HMHB1: variants seen among roughly 807,000 people sequenced by gnomAD.
HMHB1 encodes the protein minor histocompatibility protein HB-1.
HMHB1 carries 4 observed loss-of-function variants against 2.4 expected under a neutral mutation model. That is an observed-to-expected ratio of 1.65 (90% CI 0.81 to 3.77). The LOEUF is 3.77. HMHB1 is among the 30% of genes most tolerant of loss of function. The probability of loss-of-function intolerance (pLI) is 0.01; values close to 1 mark genes in which losing one functional copy is unlikely to be tolerated. For synonymous variants in HMHB1, 22 were observed against 17.6 expected (o/e 1.25, Z -0.63); for missense variants, 57 against 44.2 (o/e 1.29, Z -0.82).
At position 143,812,190 on chromosome 5, in the gene HMHB1, C is replaced by G. The variant is rs924840161; in HGVS notation, c.-78C>G. The G allele has an allele frequency of 7.1e-7, 1 of 1,405,020 alleles. No homozygotes were observed. Among genetic ancestry groups the G allele is most frequent in the African/African-American group, 1.4e-5 (1 of 69,538 alleles). 87.0% of individuals were successfully genotyped at this position (1,405,020 alleles called of 1,614,324 possible). On this transcript the variant is annotated 5_prime_UTR_variant, in exon 1 of 2. Coordinates refer to ENST00000289448, the MANE Select transcript of HMHB1 (RefSeq NM_021182.3). The stretch of plus-strand genomic sequence containing the variant: ...ATCCCAGGAGGCCGAGGCGGCTTGC[C>G]CCGCATCTCAGAAGCCGGGCAGGCC...
intron 1 of HMHB1, among the ~76,000 whole-genome samples, chr5:143,816,098 T>C (rs1289584501): frequency 1.3e-5 from 2 of 152,330 alleles, no homozygotes; most frequent in East Asian, 3.9e-4. Flanking sequence ...TGATTAGCAA[T>C]CTAAATTCCA....
At chr5:143,818,158 A>G (rs1303949903) in intron 1 of HMHB1, among the ~76,000 whole-genome samples, 2 of 152,214 alleles carry the variant, frequency 1.3e-5, no homozygotes, top group Admixed American at 6.5e-5. Context: ...AAAATTATTG[A>G]ACTTCTATAT....
At chr5:143,818,286 A>G (rs1759770910) in intron 1 of HMHB1, among the ~76,000 whole-genome samples, 1 of 152,218 alleles carries the variant, frequency 6.6e-6, no homozygotes, top group Non-Finnish European at 1.5e-5. Flanking sequence ...AACTTATAGA[A>G]TTCTTTAGGG....
In HMHB1 at chr5:143,820,559, T is replaced by G; in HGVS notation, c.117T>G (p.Tyr39Ter). The G allele has an allele frequency of 6.2e-7, 1 of 1,610,694 alleles. No individual in the cohort carries two copies. The highest frequency in any genetic ancestry group is 1.1e-5 in the South Asian group (1 of 90,992). Residue 39 changes from tyrosine (Y) to a stop codon, truncating the protein, a stop_gained, in exon 2 of 2, where the codon TAT becomes TAG. Coordinates refer to ENST00000289448, the MANE Select transcript of HMHB1 (RefSeq NM_021182.3). LOFTEE classifies it high-confidence loss of function. The stretch of plus-strand genomic sequence containing the variant: ...TGAGGCACAGCTCTTCCCTGACTTA[T>G]AGGCTTTGACACTGCTGTTGAGGTT...
intron 1 of HMHB1, among the ~76,000 whole-genome samples, chr5:143,816,087 C>T (rs943346321): frequency 4.6e-5 from 7 of 152,174 alleles, no homozygotes; most frequent in Non-Finnish European, 1.0e-4. Context: ...TTAAGGTCAC[C>T]TGATTAGCAA....
intron 1 of HMHB1, among the ~76,000 whole-genome samples, chr5:143,815,603 C>T (rs1383472670): frequency 6.6e-6 from 1 of 151,624 alleles, no homozygotes; most frequent in Non-Finnish European, 1.5e-5. Flanking sequence ...TCTTGGCTCA[C>T]TGCAACCTCC....
intron 1 of HMHB1, among the ~76,000 whole-genome samples, chr5:143,815,546 C>A (rs1759737821): frequency 6.8e-6 from 1 of 147,542 alleles, no homozygotes; most frequent in Non-Finnish European, 1.5e-5. Context: ...TTTTGAGATG[C>A]AGTCTCGCTC....
At chr5:143,815,795 T>C (rs902145383) in intron 1 of HMHB1, among the ~76,000 whole-genome samples, 8 of 150,334 alleles carry the variant, frequency 5.3e-5, no homozygotes, top group Non-Finnish European at 1.2e-4. Context: ...CAAGCTCCGC[T>C]TCCCGGGTTC....
intron 1 of HMHB1, among the ~76,000 whole-genome samples, chr5:143,814,393 T>C (rs1759725716): frequency 6.6e-6 from 1 of 152,248 alleles, no homozygotes; most frequent in South Asian, 2.1e-4. Flanking sequence ...CTCATGAAAT[T>C]GACAATGTCT....
chr5:143,820,534 T>TGAG lies in HMHB1; in HGVS notation c.94_96dup (p.Arg32dup). 6 of 1,613,210 alleles carry TGAG rather than the reference T, an allele frequency of 3.7e-6. No individual in the cohort carries two copies. Among genetic ancestry groups the TGAG allele is most frequent in the African/African-American group, 1.3e-5 (1 of 75,010 alleles). On this transcript the variant is annotated inframe_insertion, in exon 2 of 2. Transcript: ENST00000289448. ...GTTGAAGTTGAAGATGATGTGTATCTGAGGCACAGCTCTTCCCTGACTTAT... is the reference window on the plus strand; with the variant it reads ...GTTGAAGTTGAAGATGATGTGTATCTGAGGAGGCACAGCTCTTCCCTGACTTAT...
At position 143,819,634 on chromosome 5, in the gene HMHB1, CAA is replaced by C. The variant is rs34190658; in HGVS notation, c.38-829_38-828del. Reference sequence around the variant, plus strand: ...TGGGCGAGAGAGTGAGACTCTGTCTCAAAAAAAAAAAAAAAAAAGGTGGGGGG... The same window carrying C: ...TGGGCGAGAGAGTGAGACTCTGTCTCAAAAAAAAAAAAAAAAGGTGGGGGG... On this transcript the variant is annotated intron_variant, in intron 1 of 1. Transcript: ENST00000289448. Among the ~76,000 whole-genome samples, 380 of 82,604 alleles carry C rather than the reference CAA, an allele frequency of 4.6e-3. 2 individuals carry two copies. Among genetic ancestry groups the C allele is most frequent in the Middle Eastern group, 0.014 (2 of 146 alleles). 54.2% of individuals were successfully genotyped at this position (82,604 alleles called of 152,430 possible).
At chr5:143,815,267 A>G (rs1759734209) in intron 1 of HMHB1, among the ~76,000 whole-genome samples, 1 of 152,216 alleles carries the variant, frequency 6.6e-6, no homozygotes, top group East Asian at 1.9e-4. Flanking sequence ...CAGAAATCCA[A>G]TCAGGGCCTT....
At position 143,813,128 on chromosome 5, in the gene HMHB1, C is replaced by T. The variant is rs553638071; in HGVS notation, c.37+824C>T. Among the ~76,000 whole-genome samples, 4 of 152,292 alleles carry T rather than the reference C, an allele frequency of 2.6e-5. No individual in the cohort carries two copies. The South Asian group carries it at 8.3e-4, about 32-fold the overall frequency. ...ACTGATGAGGCCGGGGAAGCCTGTG[C>T]TCTGTCTGGTCCACACAGCCCCCTC... On this transcript the variant is annotated intron_variant, in intron 1 of 1. Transcript: ENST00000289448.
intron 1 of HMHB1, 152 bp from the exon 2 acceptor site, chr5:143,820,328 A>AAAAAAAAAAAAAAAC (rs1759796529): frequency 4.0e-6 from 1 of 249,604 alleles, no homozygotes; most frequent in African/African-American, 3.4e-5. Flanking sequence ...TAAAAAAAAA[A>AAAAAAAAAAAAAAAC]AAAAAAAAAA....
intron 1 of HMHB1, among the ~76,000 whole-genome samples, chr5:143,816,330 T>G (rs1458572899): frequency 6.6e-6 from 1 of 152,184 alleles, no homozygotes; most frequent in Non-Finnish European, 1.5e-5. Context: ...GCATCCTATT[T>G]GTAGTCTTTT....
intron 1 of HMHB1, among the ~76,000 whole-genome samples, chr5:143,815,703 T>A (rs1759739942): frequency 7.9e-6 from 1 of 127,326 alleles, no homozygotes; most frequent in East Asian, 2.1e-4. Context: ...AATTTTTGTA[T>A]TTTTTTTTTT....
intron 1 of HMHB1, among the ~76,000 whole-genome samples, chr5:143,816,688 A>G (rs1416302066): frequency 6.6e-6 from 1 of 152,254 alleles, no homozygotes; most frequent in Non-Finnish European, 1.5e-5. Flanking sequence ...TCTTTTTCGC[A>G]TAATGACTTC....
intron 1 of HMHB1, among the ~76,000 whole-genome samples, chr5:143,813,414 G>C (rs544651422): frequency 5.8e-4 from 89 of 152,278 alleles, no homozygotes; most frequent in African/African-American, 2.0e-3. Flanking sequence ...TCCTCCATCA[G>C]AGCATGGGAT....
chr5:143,819,960 A>G (rs1235552581), intron 1 of HMHB1, among the ~76,000 whole-genome samples: 1 of 152,152 alleles, frequency 6.6e-6, no homozygotes, highest in Non-Finnish European at 1.5e-5. Flanking sequence ...GCCATGAGAT[A>G]TACTATATCA....
Sources: allele counts gnomAD v4.1 joint callset (sites outside exome capture counted in the v4.1 genomes callset), GRCh38; gene constraint gnomAD v4.1.1; transcripts MANE v1.5; gene names NCBI Gene and HGNC (gene_info 2026-07-23, HGNC 2026-07-21).